REPS2: variants seen among roughly 807,000 people sequenced by gnomAD.
REPS2 encodes the protein RALBP1 associated Eps domain containing 2, also known as ralBP1-associated Eps domain-containing protein 2.
REPS2 carries 23 observed loss-of-function variants against 53.6 expected under a neutral mutation model. The observed-to-expected ratio is 0.43, with a 90% CI of 0.31 to 0.61. The LOEUF (loss-of-function observed/expected upper bound fraction) is 0.61. Ranked by LOEUF, REPS2 falls within the 20% of genes least tolerant of loss-of-function variation. REPS2 has a pLI of 0.11. For missense variants in REPS2, 446 were observed against 534.9 expected, an observed-to-expected ratio of 0.83 and a Z score of 1.64; for synonymous variants, 238 against 218.6, an observed-to-expected ratio of 1.09 and a Z score of -0.78.
At chrX:17,045,520 G>A (rs1452964438) in intron 5 of REPS2, among the ~76,000 whole-genome samples, 1 of 108,954 alleles carries the variant, frequency 9.2e-6, no homozygotes, top group East Asian at 2.9e-4. Flanking sequence ...GAAATTTAAG[G>A]TATTAACTAA....
chrX:16,962,281 A>G lies in REPS2; in HGVS notation c.273+15147A>G, dbSNP rs1569090593. On this transcript the variant is annotated intron_variant, in intron 1 of 17. Coordinates refer to ENST00000357277, the MANE Select transcript of REPS2 (RefSeq NM_004726.3). ...TGGCTAAAAATATCGTGGGATACAC[A>G]CACACACACACACACACACACACAC... Among the ~76,000 whole-genome samples the G allele has an allele frequency of 3.7e-4, 16 of 43,633 alleles. 1 individual carries two copies. The South Asian group carries it at 0.017, about 46-fold the overall frequency. 37.9% of individuals were successfully genotyped at this position (43,633 alleles called of 115,157 possible).
intron 14 of REPS2, among the ~76,000 whole-genome samples, chrX:17,115,122 C>T (rs781261267): frequency 8.9e-6 from 1 of 112,016 alleles, no homozygotes; most frequent in Admixed American, 9.5e-5. Context: ...AATAAGGGGG[C>T]CCAGGGGACC....
At chrX:17,066,925 C>T (rs2062233381) in intron 9 of REPS2, among the ~76,000 whole-genome samples, 1 of 111,996 alleles carries the variant, frequency 8.9e-6, no homozygotes, top group Non-Finnish European at 1.9e-5. Flanking sequence ...CAGTTTTCTA[C>T]TGAGTAATAC....
intron 17 of REPS2, among the ~76,000 whole-genome samples, chrX:17,144,068 C>A (rs1025643649): frequency 2.7e-5 from 3 of 112,606 alleles, no homozygotes; most frequent in African/African-American, 9.7e-5. Context: ...GTTGGGGAAC[C>A]CCCAAAGGGA....
chrX:17,012,380 A>AAACAACAACAAC (rs370794081), intron 2 of REPS2, among the ~76,000 whole-genome samples: 1,320 of 101,922 alleles, frequency 0.013, 22 homozygotes, highest in African/African-American at 0.046. Context: ...TGCCATCTCA[A>AAACAACAACAAC]AACAACAACA....
downstream of REPS2, among the ~76,000 whole-genome samples, chrX:17,154,249 G>A (rs748861516): frequency 2.4e-4 from 27 of 111,847 alleles, no homozygotes; most frequent in African/African-American, 8.4e-4. Context: ...GTGTTTCCAG[G>A]GCATAGTTTT....
chrX:17,145,996 C>G (rs2063508386), intron 17 of REPS2, among the ~76,000 whole-genome samples: 2 of 108,680 alleles, frequency 1.8e-5, no homozygotes, highest in South Asian at 8.2e-4. Context: ...GTAGTCCCAG[C>G]TACTTGGGAG....
chrX:17,185,110 C>T, the REPS2 span, among the ~76,000 whole-genome samples: 1 of 110,745 alleles, frequency 9.0e-6, no homozygotes, highest in Non-Finnish European at 1.9e-5. Flanking sequence ...TGGGGCTGCT[C>T]ATGCACGTGC....
the REPS2 span, among the ~76,000 whole-genome samples, chrX:17,192,207 T>TGC: frequency 1.1e-3 from 118 of 112,122 alleles, 1 homozygote; most frequent in African/African-American, 3.6e-3. Context: ...TGTGTGTGCG[T>TGC]GCACGCATGA....
intron 17 of REPS2, among the ~76,000 whole-genome samples, chrX:17,140,629 T>C (rs768812468): frequency 1.2e-4 from 13 of 110,663 alleles, no homozygotes; most frequent in Non-Finnish European, 2.3e-4. Context: ...CAGATATCTG[T>C]ATACTTTCCC....
intron 1 of REPS2, among the ~76,000 whole-genome samples, chrX:16,988,611 A>G (rs1461707551): frequency 1.8e-5 from 2 of 109,527 alleles, no homozygotes; most frequent in Non-Finnish European, 3.8e-5. Context: ...GGGGAAACAT[A>G]CCATGTTCCG....
rs1187747428 is a variant in REPS2, at chrX:16,969,988, C to T, written c.273+22854C>T. 3.6e-5 allele frequency among the ~76,000 whole-genome samples: 4 copies of T among 111,873 alleles called. No homozygotes were observed. In the East Asian group the frequency reaches 8.3e-4, roughly 23 times the overall value. On this transcript the variant is annotated intron_variant, in intron 1 of 17. Coordinates refer to ENST00000357277, the MANE Select transcript of REPS2 (RefSeq NM_004726.3). Reference sequence around the variant, plus strand: ...TTTCTACTTTTGGGCTTTCAGCCAACGTGTAAATATTGACAGTTTAATAAT... The same window carrying T: ...TTTCTACTTTTGGGCTTTCAGCCAATGTGTAAATATTGACAGTTTAATAAT...
chrX:17,099,961 G>A, intron 13 of REPS2: 2 of 1,161,362 alleles, frequency 1.7e-6, no homozygotes, highest in Non-Finnish European at 2.4e-6. Flanking sequence ...CCAATAATCT[G>A]CTCCGGCTCC....
intron 14 of REPS2, among the ~76,000 whole-genome samples, chrX:17,118,238 C>T (rs903838697): frequency 9.1e-6 from 1 of 110,081 alleles, no homozygotes; most frequent in African/African-American, 3.3e-5. Flanking sequence ...GGATTACAGG[C>T]GTGAGCCACC....
intron 13 of REPS2, among the ~76,000 whole-genome samples, chrX:17,083,252 T>A (rs950457518): frequency 2.7e-5 from 3 of 109,245 alleles, no homozygotes; most frequent in Admixed American, 2.0e-4. Context: ...GCCCTGCTAA[T>A]TTTTTGTATT....
rs1210213063 is a variant in REPS2, at chrX:17,103,751, C to T, written c.1550C>T (p.Ala517Val). The T allele has an allele frequency of 5.0e-6, 6 of 1,210,394 alleles. No homozygotes were observed. Among genetic ancestry groups the T allele is most frequent in the East Asian group, 3.0e-5 (1 of 33,834 alleles). The change falls in exon 14 of 18, where the codon GCG becomes GTG. Residue 517 changes from alanine (A) to valine (V), a missense_variant. By Grantham distance (64) the Ala-to-Val change is moderately conservative (BLOSUM62 0). Transcript: ENST00000357277. ...TKSGLLPPPPALPPRPCPSQS... is the reference protein window; with the variant it reads ...TKSGLLPPPPVLPPRPCPSQS... Reference sequence around the variant, plus strand: ...TCAGGATTGTTACCCCCACCACCTGCGCTCCCTCCAAGACCTTGTCCATCA... The same window carrying T: ...TCAGGATTGTTACCCCCACCACCTGTGCTCCCTCCAAGACCTTGTCCATCA...
chrX:16,969,872 A>C (rs2060862179), intron 1 of REPS2, among the ~76,000 whole-genome samples: 1 of 111,261 alleles, frequency 9.0e-6, no homozygotes, highest in African/African-American at 3.3e-5. Flanking sequence ...GAATTTTATC[A>C]TTTTATTAGT....
chrX:17,102,038 G>T (rs75548315), intron 13 of REPS2, among the ~76,000 whole-genome samples: 20 of 53,366 alleles, frequency 3.7e-4, no homozygotes, highest in African/African-American at 1.3e-3. Flanking sequence ...TTTATGTTAT[G>T]TTATGTTATG....
chrX:17,183,404 C>CA, the REPS2 span, among the ~76,000 whole-genome samples: 1 of 111,203 alleles, frequency 9.0e-6, no homozygotes, highest in Non-Finnish European at 1.9e-5. Context: ...AAAATTAAAC[C>CA]AAAAAAACTC....
Sources: gnomAD v4.1 joint callset for allele counts (sites outside exome capture counted in the v4.1 genomes callset) on GRCh38, gnomAD v4.1.1 for gene constraint, MANE v1.5 for transcripts, NCBI Gene and HGNC (gene_info 2026-07-23, HGNC 2026-07-21) for gene names.